Variants in DENND1A observed in about 807,000 individuals in gnomAD.
The protein encoded by DENND1A is DENN domain containing 1A.
A neutral mutation model predicts 113.7 loss-of-function variants in DENND1A; 51 were observed. The observed-to-expected ratio is 0.45, with a 90% CI of 0.36 to 0.57. The LOEUF is 0.57. DENND1A is among the 20% of genes least tolerant of loss of function. The probability of loss-of-function intolerance (pLI) is 0.00; values close to 1 mark genes in which losing one functional copy is unlikely to be tolerated. For missense variants in DENND1A, 1,258 were observed against 1,395.9 expected, an observed-to-expected ratio of 0.90 and a Z score of 1.57; for synonymous variants, 565 against 570.8, an observed-to-expected ratio of 0.99 and a Z score of 0.14.
Position 123,495,982 on chromosome 9 carries a change from T to C in DENND1A, c.994-38085A>G, listed in dbSNP as rs535840476. On this transcript the variant is annotated intron_variant, in intron 13 of 23. Transcript: ENST00000394215. ...AAATGTCCTGAATGCATATCTGTAA[T>C]TGCGTTAAGCAGAGAGGCTGGGGAC... Among the ~76,000 whole-genome samples the C allele has an allele frequency of 2.6e-5, 4 of 152,366 alleles. No homozygotes were observed. In the East Asian group the frequency reaches 7.7e-4, roughly 29 times the overall value.
At chr9:123,413,496 C>T (rs1269363072) in intron 19 of DENND1A, 1 of 985,412 alleles carries the variant, frequency 1.0e-6, no homozygotes, top group Middle Eastern at 5.2e-4. Flanking sequence ...CTGAACCTGC[C>T]CCACTACTCC....
Position 123,599,054 on chromosome 9 carries a change from TTCA to T in DENND1A, c.765+10379_765+10381del, listed in dbSNP as rs371837925. Among the ~76,000 whole-genome samples, 997 of 152,334 alleles carry T rather than the reference TTCA, an allele frequency of 6.5e-3. 13 individuals carry two copies. The highest frequency in any genetic ancestry group is 0.023 in the African/African-American group (960 of 41,590). ...ACAAAACAAAACTTCAGTGCCACTGTTCATCATACTTCAGAAAAGCCCCCAGTC... is the reference window on the plus strand; with the variant it reads ...ACAAAACAAAACTTCAGTGCCACTGTTCATACTTCAGAAAAGCCCCCAGTC... On this transcript the variant is annotated intron_variant, in intron 11 of 23. Transcript: ENST00000394215.
chr9:123,446,206 T>A (rs1179737216), intron 18 of DENND1A, among the ~76,000 whole-genome samples: 1 of 152,176 alleles, frequency 6.6e-6, no homozygotes, highest in Non-Finnish European at 1.5e-5. Flanking sequence ...CCGTCTCCAT[T>A]TACAGACTCG....
intron 13 of DENND1A, among the ~76,000 whole-genome samples, chr9:123,511,763 C>G (rs2053480021): frequency 6.6e-6 from 1 of 152,202 alleles, no homozygotes; most frequent in East Asian, 1.9e-4. Flanking sequence ...AGTGCCAAGC[C>G]AACAACAGCT....
chr9:123,442,209 G>C (rs994376613), intron 18 of DENND1A, among the ~76,000 whole-genome samples: 14 of 152,176 alleles, frequency 9.2e-5, no homozygotes, highest in African/African-American at 3.4e-4. Flanking sequence ...GCCTGTAGAG[G>C]CCAGACCTGA....
chr9:123,676,202 G>A (rs1378870981), intron 6 of DENND1A, among the ~76,000 whole-genome samples: 1 of 152,188 alleles, frequency 6.6e-6, no homozygotes, highest in African/African-American at 2.4e-5. Flanking sequence ...GCAAGGTACA[G>A]ATGAATTTTT....
intron 1 of DENND1A, among the ~76,000 whole-genome samples, chr9:123,917,487 A>C (rs1389758895): frequency 6.6e-6 from 1 of 152,122 alleles, no homozygotes; most frequent in East Asian, 1.9e-4. Context: ...AGGTATGGAA[A>C]ATTCCAATGT....
chr9:123,604,539 C>A (rs1306998297), intron 11 of DENND1A, among the ~76,000 whole-genome samples: 1 of 152,198 alleles, frequency 6.6e-6, no homozygotes, highest in Non-Finnish European at 1.5e-5. Context: ...GTGTCCCCAC[C>A]ACATGCCAGA....
chr9:123,819,257 CA>C (rs776437257), intron 2 of DENND1A, among the ~76,000 whole-genome samples: 2 of 152,306 alleles, frequency 1.3e-5, no homozygotes, highest in East Asian at 3.9e-4. Context: ...TGCACACACA[CA>C]AAAGTATCCT....
intron 12 of DENND1A, among the ~76,000 whole-genome samples, chr9:123,572,004 T>C (rs1290803339): frequency 6.6e-6 from 1 of 152,250 alleles, no homozygotes; most frequent in Non-Finnish European, 1.5e-5. Context: ...GTCAGGTTTA[T>C]TGAGGTATGA....
intron 13 of DENND1A, among the ~76,000 whole-genome samples, chr9:123,530,080 C>T: frequency 6.6e-6 from 1 of 152,074 alleles, no homozygotes; most frequent in East Asian, 1.9e-4. Flanking sequence ...AAGAGCATGG[C>T]TAATAAATTG....
At chr9:123,601,728 T>C (rs906202131) in intron 11 of DENND1A, among the ~76,000 whole-genome samples, 1 of 152,278 alleles carries the variant, frequency 6.6e-6, no homozygotes, top group Non-Finnish European at 1.5e-5. Context: ...TTTGATTTAA[T>C]TGAATAAACT....
chr9:123,741,384 T>C (rs555508428), intron 5 of DENND1A, among the ~76,000 whole-genome samples: 9 of 152,340 alleles, frequency 5.9e-5, no homozygotes, highest in African/African-American at 2.2e-4. Context: ...CCACCATCAA[T>C]GTCAACAATG....
Position 123,381,280 on chromosome 9 carries a change from C to G in DENND1A, c.*152G>C. 1.4e-6 allele frequency: 1 copy of G among 700,064 alleles called. No individual in the cohort carries two copies. The highest frequency in any genetic ancestry group is 2.4e-6 in the Non-Finnish European group (1 of 423,984). 43.4% of individuals were successfully genotyped at this position (700,064 alleles called of 1,614,324 possible). A position where few individuals can be genotyped will look rare whatever the true frequency, so the allele number is the denominator to read the frequency against. Reference sequence around the variant, plus strand: ...CCCAGGGCCAGACATCAGAGATGGGCAGTGTGGAGGGGAGGAGGGGGCAGC... The same window carrying G: ...CCCAGGGCCAGACATCAGAGATGGGGAGTGTGGAGGGGAGGAGGGGGCAGC... On this transcript the variant is annotated 3_prime_UTR_variant, in exon 24 of 24. Transcript: ENST00000394215. The surrounding 1 kb of genome is among the most constrained non-coding windows in gnomAD (Gnocchi z 4.7).
chr9:123,500,690 C>T (rs915058208), intron 13 of DENND1A, among the ~76,000 whole-genome samples: 6 of 152,224 alleles, frequency 3.9e-5, no homozygotes, highest in African/African-American at 1.2e-4. Flanking sequence ...AGACAGTGTT[C>T]TGTTCACTCA....
chr9:123,922,116 T>G (rs1856376671), intron 1 of DENND1A, among the ~76,000 whole-genome samples: 1 of 151,996 alleles, frequency 6.6e-6, no homozygotes, highest in Non-Finnish European at 1.5e-5. Flanking sequence ...TATTTTTTTG[T>G]AAAGACAGAG....
At chr9:123,809,126 G>GCAC (rs1836110261) in intron 2 of DENND1A, among the ~76,000 whole-genome samples, 1 of 152,196 alleles carries the variant, frequency 6.6e-6, no homozygotes, top group African/African-American at 2.4e-5. Flanking sequence ...AGAAGGAACG[G>GCAC]CACGATGGTT....
In DENND1A at chr9:123,609,477, G is replaced by A; in HGVS notation, c.724C>T (p.Pro242Ser). 1.2e-6 allele frequency: 2 copies of A among 1,613,324 alleles called. No homozygotes were observed. Among genetic ancestry groups the A allele is most frequent in the Non-Finnish European group, 1.7e-6 (2 of 1,179,646 alleles). ...TGGATTCCTATGAGGTAGGGCATGG[G>A]AGCACTGTGAAGAGAAACAGAGACA... ...PPHLLDYCCA[P>S]MPYLIGIHLS... The change falls in exon 11 of 24, where the codon CCC (proline) becomes TCC (serine). Residue 242 changes from proline to serine, a missense_variant. Coordinates refer to ENST00000394215, the MANE Select transcript of DENND1A (RefSeq NM_001352964.2).
chr9:123,913,500 T>A (rs2134053858), intron 1 of DENND1A, among the ~76,000 whole-genome samples: 1 of 151,978 alleles, frequency 6.6e-6, no homozygotes, highest in East Asian at 1.9e-4. Flanking sequence ...CAAGTATAAT[T>A]TCAAGTGTGG....
Sources: gnomAD v4.1 joint callset for allele counts (sites outside exome capture counted in the v4.1 genomes callset) on GRCh38, gnomAD v4.1.1 for gene constraint, Gnocchi (gnomAD v3.1) non-coding constraint, MANE v1.5 for transcripts, NCBI Gene and HGNC (gene_info 2026-07-23, HGNC 2026-07-21) for gene names.